The following PRKAG2 variants were observed in gnomAD, a reference collection of about 807,000 sequenced individuals.
The protein encoded by PRKAG2 is protein kinase AMP-activated non-catalytic subunit gamma 2, also known as 5'-AMP-activated protein kinase subunit gamma-2.
PRKAG2 carries 26 observed loss-of-function variants against 69.6 expected under a neutral mutation model. The ratio of observed to expected loss-of-function variants is 0.37; its 90% CI spans 0.27 to 0.52. The LOEUF is 0.52. PRKAG2 is among the 20% of genes least tolerant of loss of function. The pLI, the probability that PRKAG2 is intolerant of heterozygous loss-of-function variation, is 0.90. For missense variants in PRKAG2, 557 were observed against 740.0 expected, an observed-to-expected ratio of 0.75 and a Z score of 2.87; for synonymous variants, 293 against 285.0, an observed-to-expected ratio of 1.03 and a Z score of -0.28.
intron 1 of PRKAG2, among the ~76,000 whole-genome samples, chr7:151,834,982 C>T (rs1451017598): frequency 1.3e-5 from 2 of 152,320 alleles, no homozygotes; most frequent in Middle Eastern, 3.4e-3. Context: ...CCACCTTCAT[C>T]CTCACCAGAG....
At chr7:151,656,923 G>T (rs548608195) in intron 4 of PRKAG2, among the ~76,000 whole-genome samples, 34 of 152,224 alleles carry the variant, frequency 2.2e-4, no homozygotes, top group African/African-American at 8.2e-4. Context: ...GATCACTTGA[G>T]GTCAGGAGTT....
intron 3 of PRKAG2, among the ~76,000 whole-genome samples, chr7:151,721,490 C>T (rs1450317389): frequency 6.6e-6 from 1 of 152,158 alleles, no homozygotes; most frequent in African/African-American, 2.4e-5. Flanking sequence ...CCTCCAAGGC[C>T]TCTCATGCAG....
intron 3 of PRKAG2, among the ~76,000 whole-genome samples, chr7:151,704,500 C>T (rs547382912): frequency 6.6e-6 from 1 of 152,204 alleles, no homozygotes; most frequent in African/African-American, 2.4e-5. Flanking sequence ...TGCAAATCTA[C>T]CATCATGTGT....
intron 3 of PRKAG2, among the ~76,000 whole-genome samples, chr7:151,769,790 G>A (rs993480563): frequency 1.3e-5 from 2 of 152,342 alleles, no homozygotes; most frequent in South Asian, 4.1e-4. Flanking sequence ...TGCTTGCGGG[G>A]CTGGGGTGCT....
intron 1 of PRKAG2, among the ~76,000 whole-genome samples, chr7:151,819,719 G>A (rs2078724605): frequency 6.8e-6 from 1 of 147,852 alleles, no homozygotes; most frequent in African/African-American, 2.5e-5. Context: ...TGAAGGTCTT[G>A]AGATACTTGG....
At position 151,773,025 on chromosome 7, in the gene PRKAG2, G is replaced by GAAAGAA. The variant is rs762104825; in HGVS notation, c.466+8126_466+8127insTTCTTT. On this transcript the variant is annotated intron_variant, in intron 3 of 15. Coordinates refer to ENST00000287878, the MANE Select transcript of PRKAG2 (RefSeq NM_016203.4). ...AGAAAGAAAGAAAGAAAGAAAGAAA[G>GAAAGAA]AGAGAGAGAGAGAGAGAGAGAGAGA... 7.0e-3 allele frequency among the ~76,000 whole-genome samples: 279 copies of GAAAGAA among 39,944 alleles called. 2 individuals are homozygous for GAAAGAA. Among genetic ancestry groups the GAAAGAA allele is most frequent in the Non-Finnish European group, 9.9e-3 (204 of 20,676 alleles). The allele number at this position is 39,944 out of a possible 152,430, so 26.2% of individuals were successfully genotyped here. A position where few individuals can be genotyped will look rare whatever the true frequency, so the allele number is the denominator to read the frequency against.
intron 1 of PRKAG2, among the ~76,000 whole-genome samples, chr7:151,825,396 G>A (rs116654094): frequency 8.9e-4 from 135 of 152,106 alleles, no homozygotes; most frequent in African/African-American, 3.1e-3. Context: ...TATATGATTC[G>A]TACCCTCAAT....
At chr7:151,855,501 T>C (rs1368239195) in intron 1 of PRKAG2, among the ~76,000 whole-genome samples, 1 of 83,468 alleles carries the variant, frequency 1.2e-5, no homozygotes, top group Non-Finnish European at 2.4e-5. Flanking sequence ...CACACCACCC[T>C]CCACACACAC....
At position 151,850,491 on chromosome 7, in the gene PRKAG2, G is replaced by C. The variant is rs1291573342; in HGVS notation, c.114+26016C>G. ...TCTGGTGGGCAGCCCTGCCATTGTG[G>C]AGGTGGGCAAACCGAGGTTCAGAGA... On this transcript the variant is annotated intron_variant, in intron 1 of 15. Coordinates refer to ENST00000287878, the MANE Select transcript of PRKAG2 (RefSeq NM_016203.4). The surrounding 1 kb of genome is among the most constrained non-coding windows in gnomAD (Gnocchi z 4.1). 6.6e-6 allele frequency among the ~76,000 whole-genome samples: 1 copy of C among 152,234 alleles called. No individual in the cohort carries two copies. The highest frequency in any genetic ancestry group is 1.5e-5 in the Non-Finnish European group (1 of 68,042).
intron 4 of PRKAG2, among the ~76,000 whole-genome samples, chr7:151,634,936 ACT>A (rs1491235075): frequency 6.9e-6 from 1 of 144,718 alleles, no homozygotes; most frequent in African/African-American, 2.6e-5. Context: ...AAATGGAACC[ACT>A]GTTTTTTTTT....
At chr7:151,858,582 C>T (rs1343057977) in intron 1 of PRKAG2, among the ~76,000 whole-genome samples, 1 of 152,172 alleles carries the variant, frequency 6.6e-6, no homozygotes, top group Non-Finnish European at 1.5e-5. Flanking sequence ...CCCTGTGCTA[C>T]AGGAAGAGAG....
chr7:151,855,436 CG>C (rs2079733025), intron 1 of PRKAG2, among the ~76,000 whole-genome samples: 1 of 62,614 alleles, frequency 1.6e-5, no homozygotes, highest in Non-Finnish European at 3.2e-5. Flanking sequence ...CCACACACAC[CG>C]CCCTCCACAC....
At chr7:151,648,199 A>T (rs1039857744) in intron 4 of PRKAG2, among the ~76,000 whole-genome samples, 21 of 152,164 alleles carry the variant, frequency 1.4e-4, no homozygotes, top group Admixed American at 2.6e-4. Flanking sequence ...CAAACTTTGG[A>T]CAGGTGTCAT....
At chr7:151,687,678 G>A (rs925877622) in intron 3 of PRKAG2, among the ~76,000 whole-genome samples, 1 of 152,116 alleles carries the variant, frequency 6.6e-6, no homozygotes, top group Non-Finnish European at 1.5e-5. Context: ...GTGTGTGGCC[G>A]AGGATCTACC....
Position 151,777,905 on chromosome 7 carries a change from C to T in PRKAG2, c.466+3247G>A, listed in dbSNP as rs2076465040. Among the ~76,000 whole-genome samples, 4 of 152,172 alleles carry T rather than the reference C, an allele frequency of 2.6e-5. No homozygotes were observed. Among genetic ancestry groups the T allele is most frequent in the African/African-American group, 9.7e-5 (4 of 41,426 alleles). The stretch of plus-strand genomic sequence containing the variant: ...CCGGGCTAACATGCAGGTGTAGTTT[C>T]TATGATCTCGTACTGCTCTGGGGTC... On this transcript the variant is annotated intron_variant, in intron 3 of 15. Coordinates refer to ENST00000287878, the MANE Select transcript of PRKAG2 (RefSeq NM_016203.4). The surrounding 1 kb of genome is among the most constrained non-coding windows in gnomAD (Gnocchi z 4.3).
At chr7:151,732,335 TACC>T (rs1554572618) in intron 3 of PRKAG2, among the ~76,000 whole-genome samples, 1 of 151,834 alleles carries the variant, frequency 6.6e-6, no homozygotes, top group Non-Finnish European at 1.5e-5. Context: ...GATGGGGTTT[TACC>T]ACATTGTCCA....
At chr7:151,689,997 G>A (rs1360235060) in intron 3 of PRKAG2, among the ~76,000 whole-genome samples, 1 of 152,196 alleles carries the variant, frequency 6.6e-6, no homozygotes, top group Admixed American at 6.5e-5. Flanking sequence ...GAAGAGGAAG[G>A]AAAGCTGCAG....
At chr7:151,558,185 C>G in intron 15 of PRKAG2, 2 of 985,426 alleles carry the variant, frequency 2.0e-6, no homozygotes, top group Non-Finnish European at 2.4e-6. Context: ...TTGCTAAAAA[C>G]TTTTTTGAGA....
chr7:151,714,029 CACAG>C (rs1387512150), intron 3 of PRKAG2, among the ~76,000 whole-genome samples: 6 of 152,164 alleles, frequency 3.9e-5, no homozygotes, highest in Admixed American at 6.5e-5. Flanking sequence ...AAAGGATTCT[CACAG>C]ACAGTCAAGT....
Sources: gnomAD v4.1 joint callset for allele counts (sites outside exome capture counted in the v4.1 genomes callset) on GRCh38, gnomAD v4.1.1 for gene constraint, Gnocchi (gnomAD v3.1) non-coding constraint, MANE v1.5 for transcripts, NCBI Gene and HGNC (gene_info 2026-07-23, HGNC 2026-07-21) for gene names.